Variants in WDR27 observed in about 807,000 individuals in gnomAD.
WDR27 encodes the protein WD repeat-containing protein 27.
A neutral mutation model predicts 114.4 loss-of-function variants in WDR27; 100 were observed. The ratio of observed to expected loss-of-function variants is 0.87; its 90% CI spans 0.74 to 1.03. The LOEUF is 1.03. Ranked by LOEUF, WDR27 falls within the 50% of genes least tolerant of loss-of-function variation. The pLI is 0.00. For missense variants in WDR27, 1,129 were observed against 1,092.9 expected, an observed-to-expected ratio of 1.03 and a Z score of -0.47; for synonymous variants, 449 against 423.1, an observed-to-expected ratio of 1.06 and a Z score of -0.75.
intron 25 of WDR27, among the ~76,000 whole-genome samples, chr6:169,508,358 T>C (rs1387103292): frequency 6.6e-6 from 1 of 152,232 alleles, no homozygotes; most frequent in East Asian, 1.9e-4. Context: ...GATTAAATCA[T>C]GGTTGATTGC....
intron 25 of WDR27, among the ~76,000 whole-genome samples, chr6:169,523,784 A>G (rs928916200): frequency 1.3e-5 from 2 of 152,150 alleles, no homozygotes; most frequent in Admixed American, 1.3e-4. Context: ...TATAGAAGGA[A>G]CATACGTCAA....
intron 25 of WDR27, among the ~76,000 whole-genome samples, chr6:169,515,991 T>C (rs1686909046): frequency 6.6e-6 from 1 of 152,110 alleles, no homozygotes. Flanking sequence ...ATAACTTCAA[T>C]GTGAATAAGT....
chr6:169,588,848 C>G (rs945519924), intron 23 of WDR27, among the ~76,000 whole-genome samples: 1 of 152,162 alleles, frequency 6.6e-6, no homozygotes, highest in African/African-American at 2.4e-5. Context: ...AATAACGGAC[C>G]AAGGTGCATC....
At chr6:169,671,036 T>C (rs1778608330) in intron 3 of WDR27, 1 of 204,402 alleles carries the variant, frequency 4.9e-6, no homozygotes, top group African/African-American at 2.3e-5. Flanking sequence ...TCCACCCTCA[T>C]GTATAGGTTC....
At chr6:169,485,152 A>G (rs1788713853) in intron 25 of WDR27, among the ~76,000 whole-genome samples, 1 of 152,212 alleles carries the variant, frequency 6.6e-6, no homozygotes, top group Non-Finnish European at 1.5e-5. Flanking sequence ...AATTGCAAAA[A>G]AGGAAATGTT....
rs1175536566 is a variant in WDR27 at position 169,457,580 on chromosome 6, G to A, written c.*12C>T. ...ATTCCTGGACCCAGCTCACAGGTCA[G>A]TGGTTACTCAGCTAGAAAGAGCTGG... On this transcript the variant is annotated 3_prime_UTR_variant, in exon 26 of 26. Coordinates refer to ENST00000448612, the MANE Select transcript of WDR27 (RefSeq NM_182552.5). 1 of 1,551,546 alleles carries A rather than the reference G, an allele frequency of 6.4e-7. No individual in the cohort carries two copies.
chr6:169,471,452 G>T (rs923623845), intron 25 of WDR27, among the ~76,000 whole-genome samples: 1 of 152,064 alleles, frequency 6.6e-6, no homozygotes, highest in African/African-American at 2.4e-5. Flanking sequence ...TGAGGTAGGA[G>T]TCATTTTCAT....
chr6:169,515,286 T>C (rs1793491496), intron 25 of WDR27, among the ~76,000 whole-genome samples: 1 of 152,086 alleles, frequency 6.6e-6, no homozygotes, highest in African/African-American at 2.4e-5. Context: ...GACCAAAGCA[T>C]AAAACTCTAC....
At chr6:169,490,892 C>T (rs1789664377) in intron 25 of WDR27, among the ~76,000 whole-genome samples, 1 of 152,186 alleles carries the variant, frequency 6.6e-6, no homozygotes, top group Non-Finnish European at 1.5e-5. Context: ...AAAACATCCC[C>T]TGCAGGATAA....
rs200161082 is a variant in WDR27 at position 169,513,612 on chromosome 6, G to A, written c.2646-55978C>T. Among the ~76,000 whole-genome samples, 5 of 33,340 alleles carry A rather than the reference G, an allele frequency of 1.5e-4. No homozygotes were observed. The East Asian group carries it at 1.6e-3, about 11-fold the overall frequency. The allele number at this position is 33,340 out of a possible 152,430, so 21.9% of individuals were successfully genotyped here. On this transcript the variant is annotated intron_variant, in intron 25 of 25. Transcript: ENST00000448612. ...ACCAGGCACTAAGTAGGAGAGTCTCGGAACAGAACATTCTATGCAGTAATT... is the reference window on the plus strand; with the variant it reads ...ACCAGGCACTAAGTAGGAGAGTCTCAGAACAGAACATTCTATGCAGTAATT...
At chr6:169,429,328 G>T in the WDR27 span, among the ~76,000 whole-genome samples, 1 of 152,050 alleles carries the variant, frequency 6.6e-6, no homozygotes, top group Non-Finnish European at 1.5e-5. Flanking sequence ...AGCCGCCCCC[G>T]TGCCAAGGAG....
At chr6:169,443,011 C>T in the WDR27 span, among the ~76,000 whole-genome samples, 2 of 152,176 alleles carry the variant, frequency 1.3e-5, no homozygotes, top group East Asian at 1.9e-4. Context: ...AGACCACATT[C>T]CAAAAGACAA....
chr6:169,514,364 T>C (rs963659598), intron 25 of WDR27, among the ~76,000 whole-genome samples: 1 of 150,742 alleles, frequency 6.6e-6, no homozygotes, highest in Non-Finnish European at 1.5e-5. Flanking sequence ...TAATAGCTTA[T>C]AATTTGCAAA....
rs199606678 is a variant in WDR27 at position 169,634,378 on chromosome 6, G to A, written c.2101+50C>T. On this transcript the variant is annotated intron_variant, in intron 20 of 25. Coordinates refer to ENST00000448612, the MANE Select transcript of WDR27 (RefSeq NM_182552.5). ...TGCTCAGCACATGCCTCTGCCAGAG[G>A]AACAACACTCAGGGCGTAAAACCCT... 10 of 1,398,524 alleles carry A rather than the reference G, an allele frequency of 7.2e-6. No homozygotes were observed. In the Admixed American group the frequency reaches 1.3e-4, roughly 19 times the overall value. 86.6% of individuals were successfully genotyped at this position (1,398,524 alleles called of 1,614,324 possible). A position where few individuals can be genotyped will look rare whatever the true frequency, so the allele number is the denominator to read the frequency against.
At chr6:169,564,008 C>A (rs73790015) in intron 25 of WDR27, among the ~76,000 whole-genome samples, 1 of 152,176 alleles carries the variant, frequency 6.6e-6, no homozygotes, top group Non-Finnish European at 1.5e-5. Flanking sequence ...CATCACCAGG[C>A]GAAGTCCCAC....
intron 23 of WDR27, among the ~76,000 whole-genome samples, chr6:169,591,769 T>C (rs1043963399): frequency 1.3e-5 from 2 of 152,180 alleles, no homozygotes; most frequent in African/African-American, 4.8e-5. Context: ...CAGACAGTAG[T>C]GCATGCCTAA....
intron 25 of WDR27, among the ~76,000 whole-genome samples, chr6:169,472,664 G>A (rs1786588555): frequency 6.6e-6 from 1 of 152,152 alleles, no homozygotes; most frequent in South Asian, 2.1e-4. Context: ...TTCAGACTGA[G>A]TATATAACTT....
intron 22 of WDR27, among the ~76,000 whole-genome samples, chr6:169,603,296 T>G (rs1034418079): frequency 6.6e-6 from 1 of 152,170 alleles, no homozygotes; most frequent in African/African-American, 2.4e-5. Flanking sequence ...AGTGTACTAC[T>G]GAGAAAAGAT....
At chr6:169,621,266 G>GCATA (rs1813073366) in intron 21 of WDR27, among the ~76,000 whole-genome samples, 1 of 147,416 alleles carries the variant, frequency 6.8e-6, no homozygotes, top group South Asian at 2.2e-4. Flanking sequence ...ATACATTCAT[G>GCATA]CATACACACA....
Sources: allele counts gnomAD v4.1 joint callset (sites outside exome capture counted in the v4.1 genomes callset), GRCh38; gene constraint gnomAD v4.1.1; transcripts MANE v1.5; gene names NCBI Gene and HGNC (gene_info 2026-07-23, HGNC 2026-07-21).